The following ZNF44 variants were observed in gnomAD, a reference collection of about 807,000 sequenced individuals.
ZNF44 encodes zinc finger protein 44.
A neutral mutation model predicts 11.7 loss-of-function variants in ZNF44; 9 were observed. The ratio of observed to expected loss-of-function variants is 0.77; its 90% CI spans 0.46 to 1.35. ZNF44 has a LOEUF of 1.35. Among genes scored for constraint, ZNF44 ranks in the 40% most tolerant of loss-of-function variants. The pLI is 0.00. For missense variants in ZNF44, 696 were observed against 743.1 expected, an observed-to-expected ratio of 0.94 and a Z score of 0.74; for synonymous variants, 224 against 242.7, an observed-to-expected ratio of 0.92 and a Z score of 0.72.
At chr19:12,274,945 T>A in intron 3 of ZNF44, 28 bp downstream of exon 3, 1 of 1,541,908 alleles carries the variant, frequency 6.5e-7, no homozygotes, top group Non-Finnish European at 8.8e-7. Flanking sequence ...TGCAAGGACA[T>A]CACCTGTCTC....
At chr19:12,241,381 T>C (rs1916608858), upstream of ZNF44, among the ~76,000 whole-genome samples, 1 of 152,140 alleles carries the variant, frequency 6.6e-6, no homozygotes, top group African/African-American at 2.4e-5. Context: ...GCAATTCCAC[T>C]CCTAGGTATG....
intron 5 of ZNF44, among the ~76,000 whole-genome samples, chr19:12,263,797 C>A (rs1433907501): frequency 6.6e-6 from 1 of 151,722 alleles, no homozygotes; most frequent in Non-Finnish European, 1.5e-5. Flanking sequence ...TGGTGGCAGG[C>A]GCCTGTAGTC....
intron 1 of ZNF44, among the ~76,000 whole-genome samples, chr19:12,288,771 A>ATGTATAT (rs1253278392): frequency 8.1e-4 from 31 of 38,356 alleles, no homozygotes; most frequent in Middle Eastern, 9.6e-3. Flanking sequence ...AAAAAAAAAA[A>ATGTATAT]ATGTATATAT....
In ZNF44 at chr19:12,273,749, T is replaced by C. The variant is rs935233510; in HGVS notation, c.506A>G (p.Tyr169Cys). The change falls in exon 4 of 4, where the codon TAT becomes TGT. Residue 169 changes from tyrosine to cysteine, a missense_variant. Tyr to Cys is a radical substitution (Grantham distance 194). Coordinates refer to ENST00000355684, the MANE Select transcript of ZNF44 (RefSeq NM_016264.4). ...CERPHTGKKP[Y>C]DCKECGKTFS... ...GGTTTTTCCACATTCCTTACAATCA[T>C]AGGGTTTCTTTCCAGTGTGAGGCCT... The C allele has an allele frequency of 6.2e-6, 10 of 1,614,048 alleles. No homozygotes were observed. Among genetic ancestry groups the C allele is most frequent in the African/African-American group, 1.3e-5 (1 of 74,918 alleles).
rs1040111814 is a variant in ZNF44, at chr19:12,284,407, G to A, written c.4-8325C>T. ...GACCCTGGGATGGGGAACCGCAGTGGCTTCCGCGGAGATTTCGGCAGTGGC... is the reference window on the plus strand; with the variant it reads ...GACCCTGGGATGGGGAACCGCAGTGACTTCCGCGGAGATTTCGGCAGTGGC... On this transcript the variant is annotated intron_variant, in intron 1 of 3. Transcript: ENST00000355684. The A allele has an allele frequency of 4.8e-6, 3 of 625,990 alleles. No individual in the cohort carries two copies. The Admixed American group carries it at 6.3e-5, about 13-fold the overall frequency. The allele number at this position is 625,990 out of a possible 1,614,324, so 38.8% of individuals were successfully genotyped here.
At chr19:12,245,293 T>C (rs987542151), downstream of ZNF44, among the ~76,000 whole-genome samples, 14 of 152,180 alleles carry the variant, frequency 9.2e-5, no homozygotes, top group African/African-American at 3.1e-4. Flanking sequence ...TATTCTCAGG[T>C]AATGGAAAAT....
chr19:12,280,459 T>C (rs1022455495), intron 1 of ZNF44, among the ~76,000 whole-genome samples: 2 of 151,912 alleles, frequency 1.3e-5, no homozygotes, highest in African/African-American at 4.8e-5. Context: ...TAAGAAAAAG[T>C]AGACTATATA....
intron 1 of ZNF44, among the ~76,000 whole-genome samples, chr19:12,277,615 A>G (rs182976553): frequency 2.6e-5 from 4 of 152,338 alleles, no homozygotes; most frequent in Non-Finnish European, 4.4e-5. Flanking sequence ...TAACAGAGAG[A>G]AAAAGATACA....
chr19:12,244,874 A>G (rs1249330335), downstream of ZNF44, among the ~76,000 whole-genome samples: 1 of 152,202 alleles, frequency 6.6e-6, no homozygotes, highest in Admixed American at 6.6e-5. Context: ...CAATGAAATC[A>G]CCTAAAAGAA....
chr19:12,253,761 G>C (rs1009389892), intron 5 of ZNF44, among the ~76,000 whole-genome samples: 1 of 151,784 alleles, frequency 6.6e-6, no homozygotes, highest in Admixed American at 6.6e-5. Context: ...TAGGGGGATC[G>C]CTTGAAGCCA....
At chr19:12,229,867 C>T (rs909114221) in intron 3 of ZNF44, among the ~76,000 whole-genome samples, 4 of 152,120 alleles carry the variant, frequency 2.6e-5, no homozygotes, top group Admixed American at 2.6e-4. Flanking sequence ...CCGCCTCAGC[C>T]TCCCAAAGTG....
In ZNF44 at chr19:12,293,420, G is replaced by A. The variant is rs1342766063; in HGVS notation, c.3+1272C>T. 7 of 1,503,938 alleles carry A rather than the reference G, an allele frequency of 4.7e-6. No individual in the cohort carries two copies. In the East Asian group the frequency reaches 7.4e-5, roughly 16 times the overall value. The allele number at this position is 1,503,938 out of a possible 1,614,324, so 93.2% of individuals were successfully genotyped here. A position where few individuals can be genotyped will look rare whatever the true frequency, so the allele number is the denominator to read the frequency against. The stretch of plus-strand genomic sequence containing the variant: ...GGCTGAGGTCACATCACCCTGTAAA[G>A]GACATACTGAGAAGGCATCTGTGCC... On this transcript the variant is annotated intron_variant, in intron 1 of 3. Coordinates refer to ENST00000355684, the MANE Select transcript of ZNF44 (RefSeq NM_016264.4).
intron 5 of ZNF44, among the ~76,000 whole-genome samples, chr19:12,259,440 A>G (rs1917404469): frequency 6.6e-6 from 1 of 152,264 alleles, no homozygotes; most frequent in Admixed American, 6.5e-5. Flanking sequence ...ATAGAGGCCA[A>G]AAACCCAAGG....
chr19:12,258,455 GTCA>G (rs2145701956), intron 5 of ZNF44, among the ~76,000 whole-genome samples: 1 of 151,616 alleles, frequency 6.6e-6, no homozygotes, highest in East Asian at 1.9e-4. Flanking sequence ...TTTACATTGA[GTCA>G]TATTAACTAA....
intron 5 of ZNF44, among the ~76,000 whole-genome samples, chr19:12,255,132 A>ACACACACACACC (rs373440877): frequency 6.9e-6 from 1 of 145,084 alleles, no homozygotes; most frequent in African/African-American, 2.6e-5. Flanking sequence ...ACACACACAC[A>ACACACACACACC]CCCCTTTGTG....
intron 5 of ZNF44, among the ~76,000 whole-genome samples, chr19:12,252,127 T>C (rs1364203817): frequency 1.3e-5 from 2 of 151,584 alleles, no homozygotes; most frequent in Non-Finnish European, 2.9e-5. Flanking sequence ...AATTTTCACA[T>C]GATTATAAAA....
chr19:12,248,147 T>G (rs1216314431), exon 8 of ZNF44: 2 of 1,304,206 alleles, frequency 1.5e-6, no homozygotes, highest in African/African-American at 3.0e-5. Flanking sequence ...TTTCATGTGC[T>G]CGAGCAGAAT....
intron 1 of ZNF44, among the ~76,000 whole-genome samples, chr19:12,291,555 A>T (rs909034996): frequency 6.6e-6 from 1 of 152,060 alleles, no homozygotes; most frequent in Non-Finnish European, 1.5e-5. Flanking sequence ...AAAATTAGCC[A>T]GGTGTGGTGG....
intron 1 of ZNF44, among the ~76,000 whole-genome samples, chr19:12,285,836 A>G (rs1217301346): frequency 6.6e-6 from 1 of 151,932 alleles, no homozygotes; most frequent in African/African-American, 2.4e-5. Flanking sequence ...GGAGAACACA[A>G]TGAAACCCCA....
Sources: allele counts gnomAD v4.1 joint callset (sites outside exome capture counted in the v4.1 genomes callset), GRCh38; gene constraint gnomAD v4.1.1; transcripts MANE v1.5; gene names NCBI Gene and HGNC (gene_info 2026-07-23, HGNC 2026-07-21).